CCSER1: variants seen among roughly 807,000 people sequenced by gnomAD.
CCSER1 encodes coiled-coil serine rich protein 1.
Under a neutral mutation model 82.0 loss-of-function variants are expected in CCSER1, and 41 were observed. The observed-to-expected ratio is 0.50, with a 90% CI of 0.39 to 0.65. The LOEUF (loss-of-function observed/expected upper bound fraction) is 0.65. Ranked by LOEUF, CCSER1 falls within the 30% of genes least tolerant of loss-of-function variation. The pLI is 0.00. For missense variants in CCSER1, 1,119 were observed against 1,064.2 expected (o/e 1.05, Z -0.72); for synonymous variants, 414 against 383.9 (o/e 1.08, Z -0.92).
chr4:90,667,693 T>G lies in CCSER1; in HGVS notation c.1932+39461T>G, dbSNP rs138655355. On this transcript the variant is annotated intron_variant, in intron 6 of 10. Coordinates refer to ENST00000509176, the MANE Select transcript of CCSER1 (RefSeq NM_001145065.2). ...GAACCCATACTCTTTCATGGTTGCATAGTATCCCATGGTGTATATGTGCCA... is the reference window on the plus strand; with the variant it reads ...GAACCCATACTCTTTCATGGTTGCAGAGTATCCCATGGTGTATATGTGCCA... Among the ~76,000 whole-genome samples the G allele has an allele frequency of 3.8e-3, 578 of 152,310 alleles. 1 individual carries two copies. Among genetic ancestry groups the G allele is most frequent in the South Asian group, 1.0e-2 (48 of 4,822 alleles).
Position 90,363,015 on chromosome 4 carries a change from ATGT to A in CCSER1, c.1510-37017_1510-37015del, listed in dbSNP as rs753114400. Among the ~76,000 whole-genome samples, 9 of 152,258 alleles carry A rather than the reference ATGT, an allele frequency of 5.9e-5. No individual in the cohort carries two copies. The South Asian group carries it at 1.7e-3, about 28-fold the overall frequency. On this transcript the variant is annotated intron_variant, in intron 3 of 10. Transcript: ENST00000509176. Reference sequence around the variant, plus strand: ...GGGATATTTATTTATTAAACATTTAATGTTGTACTGACATGAGCTTATCAGTAT... The same window carrying A: ...GGGATATTTATTTATTAAACATTTAATGTACTGACATGAGCTTATCAGTAT...
At chr4:90,370,651 T>TA (rs1367396506) in intron 3 of CCSER1, among the ~76,000 whole-genome samples, 5 of 151,988 alleles carry the variant, frequency 3.3e-5, no homozygotes, top group African/African-American at 1.2e-4. Flanking sequence ...TCCAGCCTAT[T>TA]ACACATATTC....
At chr4:90,460,324 C>CAAAAAAAAAAAAAAAAAAAAAA (rs751331396) in intron 4 of CCSER1, among the ~76,000 whole-genome samples, 6 of 32,638 alleles carry the variant, frequency 1.8e-4, no homozygotes, top group African/African-American at 5.8e-4. Context: ...AACTCCGTCT[C>CAAAAAAAAAAAAAAAAAAAAAA]AAAAAAAAAA....
At chr4:90,533,091 T>A (rs1213359849) in intron 5 of CCSER1, among the ~76,000 whole-genome samples, 1 of 139,164 alleles carries the variant, frequency 7.2e-6, no homozygotes, top group Non-Finnish European at 1.6e-5. Context: ...TGGGTTTTTT[T>A]TTTTTTTTTT....
intron 10 of CCSER1, among the ~76,000 whole-genome samples, chr4:91,190,549 A>AC (rs1029739516): frequency 9.2e-5 from 14 of 152,306 alleles, no homozygotes; most frequent in Admixed American, 1.3e-4. Flanking sequence ...ACAAAGCCTG[A>AC]CTTTCAGGAT....
At chr4:90,460,454 G>T (rs1249987226) in intron 4 of CCSER1, among the ~76,000 whole-genome samples, 1 of 151,610 alleles carries the variant, frequency 6.6e-6, no homozygotes, top group African/African-American at 2.4e-5. Context: ...GTTACTATTG[G>T]CACACAGCGA....
intron 3 of CCSER1, among the ~76,000 whole-genome samples, chr4:90,331,881 A>C (rs912973781): frequency 6.6e-6 from 1 of 151,810 alleles, no homozygotes. Flanking sequence ...ATCTGTTTCC[A>C]CGAATTGTCA....
rs1738215315 is a variant in CCSER1, at chr4:91,226,496, A to G, written c.2217+140502A>G. On this transcript the variant is annotated intron_variant, in intron 10 of 10. Transcript: ENST00000509176. ...TTAAATACAAATAGGGCAGAATTTT[A>G]TAGCGTTTAATATATCTTTATGGGG... is the stretch of plus-strand genomic sequence containing the variant. Among the ~76,000 whole-genome samples, 3 of 151,974 alleles carry G rather than the reference A, an allele frequency of 2.0e-5. No individual in the cohort carries two copies. In the South Asian group the frequency reaches 6.2e-4, roughly 31 times the overall value.
chr4:91,346,452 C>A (rs572919858), intron 10 of CCSER1, among the ~76,000 whole-genome samples: 1 of 152,256 alleles, frequency 6.6e-6, no homozygotes, highest in South Asian at 2.1e-4. Context: ...TACTCATGTG[C>A]AGGTTTTGAT....
intron 10 of CCSER1, among the ~76,000 whole-genome samples, chr4:91,377,970 C>A (rs1284915134): frequency 6.6e-6 from 1 of 152,146 alleles, no homozygotes; most frequent in Non-Finnish European, 1.5e-5. Context: ...CTACATATGG[C>A]TAGCCAGTTT....
intron 10 of CCSER1, among the ~76,000 whole-genome samples, chr4:91,569,776 G>A (rs113225680): frequency 0.012 from 1,891 of 152,204 alleles, 15 homozygotes; most frequent in African/African-American, 0.022. Context: ...GAACACAGCC[G>A]AACCATATCA....
intron 10 of CCSER1, among the ~76,000 whole-genome samples, chr4:91,502,572 TGAA>T (rs1759267268): frequency 1.3e-5 from 2 of 152,154 alleles, no homozygotes; most frequent in South Asian, 4.1e-4. Context: ...GTGGAGTTGA[TGAA>T]GTTGAAGCAC....
chr4:90,766,372 C>G (rs2149540461), intron 7 of CCSER1, among the ~76,000 whole-genome samples: 1 of 152,224 alleles, frequency 6.6e-6, no homozygotes, highest in Middle Eastern at 3.4e-3. Context: ...CTAAGTAACA[C>G]CAGGTGCAAC....
At chr4:91,262,859 A>AC (rs1432206695) in intron 10 of CCSER1, among the ~76,000 whole-genome samples, 2 of 151,846 alleles carry the variant, frequency 1.3e-5, no homozygotes, top group African/African-American at 2.4e-5. Flanking sequence ...TATGAAAAAA[A>AC]AAACAAACAT....
intron 5 of CCSER1, among the ~76,000 whole-genome samples, chr4:90,528,316 C>T (rs1774046836): frequency 6.6e-6 from 1 of 152,072 alleles, no homozygotes; most frequent in South Asian, 2.1e-4. Flanking sequence ...TATCATTTAA[C>T]CTTTTCATAT....
intron 10 of CCSER1, among the ~76,000 whole-genome samples, chr4:91,230,640 C>T (rs1738553240): frequency 1.3e-5 from 2 of 151,502 alleles, no homozygotes; most frequent in Non-Finnish European, 2.9e-5. Flanking sequence ...AAAAAAAACA[C>T]ACAAAACAAA....
At chr4:90,367,291 G>A (rs1440209533) in intron 3 of CCSER1, among the ~76,000 whole-genome samples, 6 of 151,918 alleles carry the variant, frequency 3.9e-5, no homozygotes, top group Non-Finnish European at 1.5e-5. Flanking sequence ...TTAGGGTAGC[G>A]AATGAGCATG....
At chr4:91,335,122 T>C (rs1747231153) in intron 10 of CCSER1, among the ~76,000 whole-genome samples, 1 of 152,090 alleles carries the variant, frequency 6.6e-6, no homozygotes, top group African/African-American at 2.4e-5. Context: ...GGAGCCTGGA[T>C]TCTCCAGGCT....
intron 9 of CCSER1, among the ~76,000 whole-genome samples, chr4:91,080,784 A>C (rs1368557084): frequency 6.6e-6 from 1 of 152,222 alleles, no homozygotes; most frequent in Non-Finnish European, 1.5e-5. Context: ...GAATACTATA[A>C]ACACCTCTAT....
Sources: allele counts gnomAD v4.1 joint callset (sites outside exome capture counted in the v4.1 genomes callset), GRCh38; gene constraint gnomAD v4.1.1; transcripts MANE v1.5; gene names NCBI Gene and HGNC (gene_info 2026-07-23, HGNC 2026-07-21).